Variants in FOXP1 observed in about 807,000 individuals in gnomAD.
FOXP1 encodes forkhead box P1.
Under a neutral mutation model 98.2 loss-of-function variants are expected in FOXP1, and 15 were observed. That is an observed-to-expected ratio of 0.15 (90% CI 0.10 to 0.24). The LOEUF (loss-of-function observed/expected upper bound fraction) is 0.24. FOXP1 is among the 10% of genes least tolerant of loss of function. The probability of loss-of-function intolerance (pLI) is 1.00; values close to 1 mark genes in which losing one functional copy is unlikely to be tolerated. For missense variants in FOXP1, 633 were observed against 848.5 expected (o/e 0.75, Z 3.15); for synonymous variants, 371 against 314.5 (o/e 1.18, Z -1.90).
intron 2 of FOXP1, among the ~76,000 whole-genome samples, chr3:71,499,111 T>G (rs547830738): frequency 1.5e-3 from 226 of 152,320 alleles, no homozygotes; most frequent in African/African-American, 5.1e-3. Flanking sequence ...AGGGCCGCTC[T>G]CTGTCCAACC....
rs80248197 is a variant in FOXP1 at position 71,238,334 on chromosome 3, G to A, written c.-11-39942C>T. On this transcript the variant is annotated intron_variant, in intron 5 of 20. Coordinates refer to ENST00000649528, the MANE Select transcript of FOXP1 (RefSeq NM_001349338.3). Reference sequence around the variant, plus strand: ...ATTACAGTTACCTTGCCAGGCCTCTGTGAAAACAGAGTATGTAAAGTGCCT... The same window carrying A: ...ATTACAGTTACCTTGCCAGGCCTCTATGAAAACAGAGTATGTAAAGTGCCT... Among the ~76,000 whole-genome samples the A allele has an allele frequency of 3.1e-3, 474 of 152,280 alleles. 5 individuals carry two copies. Among genetic ancestry groups the A allele is most frequent in the African/African-American group, 0.01 (435 of 41,548 alleles).
intron 2 of FOXP1, among the ~76,000 whole-genome samples, chr3:71,565,991 T>A (rs917041473): frequency 6.6e-6 from 1 of 152,210 alleles, no homozygotes; most frequent in Non-Finnish European, 1.5e-5. Flanking sequence ...CACAGATCCA[T>A]GTGTTACTTC....
intron 11 of FOXP1, among the ~76,000 whole-genome samples, chr3:71,028,077 A>G (rs2046370978): frequency 6.6e-6 from 1 of 152,228 alleles, no homozygotes; most frequent in Admixed American, 6.5e-5. Context: ...GAACCGAAGC[A>G]CACACACAAA....
intron 4 of FOXP1, chr3:71,304,907 G>C (rs985646155): frequency 6.6e-6 from 1 of 152,150 alleles, no homozygotes; most frequent in Non-Finnish European, 1.5e-5. Flanking sequence ...CAGTTAACCG[G>C]TCATGAAAAC....
chr3:71,077,867 T>G (rs1209372888), intron 7 of FOXP1, among the ~76,000 whole-genome samples: 1 of 151,424 alleles, frequency 6.6e-6, no homozygotes, highest in Non-Finnish European at 1.5e-5. Flanking sequence ...AGTTTCACTC[T>G]TGTTGCCCAG....
chr3:71,519,865 G>C (rs928321952), intron 2 of FOXP1, among the ~76,000 whole-genome samples: 25 of 152,348 alleles, frequency 1.6e-4, no homozygotes, highest in Admixed American at 1.2e-3. Context: ...AGTCTGAAAT[G>C]CTTTCCCATA....
intron 6 of FOXP1, among the ~76,000 whole-genome samples, chr3:71,188,238 A>G (rs773521057): frequency 6.6e-6 from 1 of 152,180 alleles, no homozygotes; most frequent in African/African-American, 2.4e-5. Flanking sequence ...CTCTTAGTTT[A>G]TATCTCACTA....
intron 10 of FOXP1, 71 bp from the exon 11 acceptor site, chr3:71,041,603 C>G (rs1279943129): frequency 1.4e-6 from 2 of 1,455,756 alleles, no homozygotes; most frequent in Non-Finnish European, 1.9e-6. Flanking sequence ...GCAATTAAAT[C>G]AAAGAGTCAG....
At chr3:71,321,533 G>A (rs2075391248) in intron 4 of FOXP1, among the ~76,000 whole-genome samples, 1 of 152,104 alleles carries the variant, frequency 6.6e-6, no homozygotes, top group Admixed American at 6.5e-5. Context: ...GGTTTTCAGA[G>A]ACCCACAACT....
chr3:71,571,535 C>T (rs1329080893), intron 2 of FOXP1: 1 of 152,062 alleles, frequency 6.6e-6, no homozygotes, highest in Non-Finnish European at 1.5e-5. Flanking sequence ...AGCAAGTTGT[C>T]TAGGAGGAAA....
At chr3:71,524,881 G>A (rs943807354) in intron 2 of FOXP1, among the ~76,000 whole-genome samples, 2 of 152,156 alleles carry the variant, frequency 1.3e-5, no homozygotes, top group African/African-American at 4.8e-5. Context: ...CAGGGTCAAA[G>A]GGAGTATTAA....
chr3:71,179,637 A>G (rs145237124), intron 6 of FOXP1, among the ~76,000 whole-genome samples: 23 of 152,362 alleles, frequency 1.5e-4, no homozygotes, highest in African/African-American at 4.8e-4. Context: ...CTCACTCATC[A>G]GCAACATTAC....
chr3:71,259,190 A>G (rs2068888344), intron 5 of FOXP1, among the ~76,000 whole-genome samples: 1 of 152,152 alleles, frequency 6.6e-6, no homozygotes, highest in South Asian at 2.1e-4. Flanking sequence ...GGGCTGCCCC[A>G]TGGGCATGAG....
chr3:71,425,251 G>T (rs1165148881), intron 3 of FOXP1, among the ~76,000 whole-genome samples: 3 of 152,282 alleles, frequency 2.0e-5, no homozygotes, highest in Non-Finnish European at 4.4e-5. Context: ...GCGTAGCTGG[G>T]ATTACAGGCA....
chr3:71,409,690 G>T lies in FOXP1; in HGVS notation c.-167-50446C>A, dbSNP rs1408210952. The stretch of plus-strand genomic sequence containing the variant: ...AAGTAACATAGCCCAGCAGTTAGGG[G>T]TTTTAACTCTGGGGTTAAACTGCCT... On this transcript the variant is annotated intron_variant, in intron 3 of 20. Coordinates refer to ENST00000649528, the MANE Select transcript of FOXP1 (RefSeq NM_001349338.3). Among the ~76,000 whole-genome samples the T allele has an allele frequency of 4.6e-5, 7 of 152,236 alleles. No individual in the cohort carries two copies. The South Asian group carries it at 1.2e-3, about 27-fold the overall frequency.
At chr3:71,188,663 C>T (rs536786080) in intron 6 of FOXP1, among the ~76,000 whole-genome samples, 56 of 152,246 alleles carry the variant, frequency 3.7e-4, no homozygotes, top group African/African-American at 1.3e-3. Context: ...GGTGATCCGC[C>T]CACCTCGCCC....
intron 5 of FOXP1, among the ~76,000 whole-genome samples, chr3:71,233,592 C>CTTTTTTTTTTTT: frequency 9.2e-6 from 1 of 108,682 alleles, no homozygotes; most frequent in Non-Finnish European, 1.8e-5. Context: ...ATGTTTGACT[C>CTTTTTTTTTTTT]TTTTTTTTTT....
intron 3 of FOXP1, among the ~76,000 whole-genome samples, chr3:71,474,342 A>C (rs2089627631): frequency 6.6e-6 from 1 of 152,238 alleles, no homozygotes; most frequent in Non-Finnish European, 1.5e-5. Flanking sequence ...AGGTTTTTGA[A>C]GAAAGATAAA....
intron 4 of FOXP1, among the ~76,000 whole-genome samples, chr3:71,319,127 CT>C (rs1001429012): frequency 2.0e-5 from 3 of 152,038 alleles, no homozygotes; most frequent in Non-Finnish European, 2.9e-5. Flanking sequence ...ACTGCCACAA[CT>C]TTTTTTTGAT....
Sources: allele counts gnomAD v4.1 joint callset (sites outside exome capture counted in the v4.1 genomes callset), GRCh38; gene constraint gnomAD v4.1.1; transcripts MANE v1.5; gene names NCBI Gene and HGNC (gene_info 2026-07-23, HGNC 2026-07-21).